Variants in CYYR1 observed in about 807,000 individuals in gnomAD.
CYYR1 encodes the protein cysteine and tyrosine-rich protein 1.
In CYYR1, 14 loss-of-function variants were observed where a neutral mutation model predicts 15.2. The observed-to-expected ratio is 0.92, with a 90% confidence interval of 0.61 to 1.44. CYYR1 has a LOEUF of 1.44. CYYR1 is among the 40% of genes most tolerant of loss of function. The pLI is 0.00. For missense variants in CYYR1, 228 were observed against 209.5 expected, an observed-to-expected ratio of 1.09 and a Z score of -0.54; for synonymous variants, 80 against 77.4, an observed-to-expected ratio of 1.03 and a Z score of -0.18.
At position 26,572,954 on chromosome 21, in the gene CYYR1, C is replaced by G; in HGVS notation, c.-14G>C. On this transcript the variant is annotated 5_prime_UTR_variant, in exon 1 of 4. Coordinates refer to ENST00000652641, the MANE Select transcript of CYYR1 (RefSeq NM_001320768.2). ...CGGAGCGTCCATCCAAGCCGGTGGCCTGAGGCTTGGAGCGAAGGGAGAGCC... is the reference window on the plus strand; with the variant it reads ...CGGAGCGTCCATCCAAGCCGGTGGCGTGAGGCTTGGAGCGAAGGGAGAGCC... 1.2e-6 allele frequency: 2 copies of G among 1,613,692 alleles called. No individual in the cohort carries two copies. Among genetic ancestry groups the G allele is most frequent in the South Asian group, 2.2e-5 (2 of 91,010 alleles).
intron 2 of CYYR1, among the ~76,000 whole-genome samples, chr21:26,521,305 C>T (rs1198879103): frequency 6.6e-6 from 1 of 152,094 alleles, no homozygotes; most frequent in African/African-American, 2.4e-5. Flanking sequence ...CCTTGGTTTC[C>T]CCATCAAATA....
intron 2 of CYYR1, among the ~76,000 whole-genome samples, chr21:26,529,783 T>C (rs927181950): frequency 6.6e-6 from 1 of 152,232 alleles, no homozygotes; most frequent in Non-Finnish European, 1.5e-5. Context: ...TTGGATTTTA[T>C]CTTATTAAGC....
intron 2 of CYYR1, among the ~76,000 whole-genome samples, chr21:26,484,456 C>A (rs968170730): frequency 4.6e-5 from 7 of 151,904 alleles, no homozygotes; most frequent in South Asian, 4.2e-4. Context: ...ATTAAGAAGG[C>A]AGAATGTGAG....
intron 2 of CYYR1, among the ~76,000 whole-genome samples, chr21:26,497,500 C>T (rs1175757967): frequency 2.0e-5 from 3 of 152,066 alleles, no homozygotes; most frequent in African/African-American, 7.2e-5. Context: ...AGCCTTCAGC[C>T]CTATTCCATA....
rs1248393566 is a variant in CYYR1, at chr21:26,477,795, G to C, written c.334+2477C>G. ...TTCTTCTGTTTTTCTCTTGGGTTATGGTTTGACCAAGGGAAAAAATTCAGA... is the reference window on the plus strand; with the variant it reads ...TTCTTCTGTTTTTCTCTTGGGTTATCGTTTGACCAAGGGAAAAAATTCAGA... On this transcript the variant is annotated intron_variant, in intron 3 of 3. Transcript: ENST00000652641. 5.1e-6 allele frequency: 5 copies of C among 984,144 alleles called. No homozygotes were observed. In the African/African-American group the frequency reaches 8.8e-5, roughly 17 times the overall value. The allele number at this position is 984,144 out of a possible 1,614,324, so 61.0% of individuals were successfully genotyped here.
At chr21:26,526,253 G>T (rs529969599) in intron 2 of CYYR1, among the ~76,000 whole-genome samples, 1 of 152,210 alleles carries the variant, frequency 6.6e-6, no homozygotes, top group Admixed American at 6.5e-5. Context: ...TTCGAAACCA[G>T]CCTGGCCAAC....
rs79072292 is a variant in CYYR1, at chr21:26,527,183, G to A, written c.176+39083C>T. Among the ~76,000 whole-genome samples, 4 of 152,266 alleles carry A rather than the reference G, an allele frequency of 2.6e-5. No homozygotes were observed. In the East Asian group the frequency reaches 7.7e-4, roughly 29 times the overall value. On this transcript the variant is annotated intron_variant, in intron 2 of 3. Transcript: ENST00000652641. ...ATTTGGACATTTGGAACAAATTAGAGCTACAGTAAAGGCCAGAAACACTGC... is the reference window on the plus strand; with the variant it reads ...ATTTGGACATTTGGAACAAATTAGAACTACAGTAAAGGCCAGAAACACTGC...
chr21:26,559,933 G>A (rs73180826), intron 2 of CYYR1, among the ~76,000 whole-genome samples: 9,532 of 151,928 alleles, frequency 0.063, 415 homozygotes, highest in South Asian at 0.14. Context: ...GATCTTTACT[G>A]TCCCACATAA....
intron 2 of CYYR1, among the ~76,000 whole-genome samples, chr21:26,553,170 T>A (rs1569173699): frequency 6.6e-6 from 1 of 152,172 alleles, no homozygotes; most frequent in African/African-American, 2.4e-5. Flanking sequence ...AATATGCCAC[T>A]TTCCTGGCCT....
intron 2 of CYYR1, among the ~76,000 whole-genome samples, chr21:26,552,512 A>T (rs1237888129): frequency 6.6e-6 from 1 of 151,702 alleles, no homozygotes; most frequent in Non-Finnish European, 1.5e-5. Flanking sequence ...TCATTTTGTG[A>T]TTTGCTTTCT....
intron 2 of CYYR1, among the ~76,000 whole-genome samples, chr21:26,536,422 G>C (rs1156557493): frequency 2.0e-5 from 3 of 152,158 alleles, no homozygotes; most frequent in African/African-American, 7.2e-5. Context: ...ATACCAAAGG[G>C]AGGTGATGTC....
At chr21:26,548,944 C>T (rs747234916) in intron 2 of CYYR1, among the ~76,000 whole-genome samples, 1 of 151,868 alleles carries the variant, frequency 6.6e-6, no homozygotes, top group Non-Finnish European at 1.5e-5. Context: ...CATTTATAAG[C>T]TTGAATGTGA....
intron 3 of CYYR1, among the ~76,000 whole-genome samples, chr21:26,474,350 G>A (rs1202836533): frequency 2.0e-5 from 3 of 150,286 alleles, no homozygotes. Flanking sequence ...ACCATGCCCA[G>A]CCTACCATGT....
At chr21:26,562,829 C>CAT (rs1555912082) in intron 2 of CYYR1, among the ~76,000 whole-genome samples, 1 of 150,718 alleles carries the variant, frequency 6.6e-6, no homozygotes, top group African/African-American at 2.4e-5. Context: ...CACACACACA[C>CAT]GGACAGACTT....
intron 3 of CYYR1, chr21:26,478,247 T>G: frequency 7.2e-7 from 1 of 1,384,270 alleles, no homozygotes; most frequent in Admixed American, 2.2e-5. Context: ...ACAAAGAGAA[T>G]TGGGATGCTG....
intron 2 of CYYR1, among the ~76,000 whole-genome samples, chr21:26,548,795 A>G (rs1444277862): frequency 6.6e-6 from 1 of 152,216 alleles, no homozygotes; most frequent in African/African-American, 2.4e-5. Context: ...GGAAAGTGTT[A>G]TTTTTAGAAA....
intron 2 of CYYR1, among the ~76,000 whole-genome samples, chr21:26,531,708 G>A (rs556710849): frequency 6.6e-6 from 1 of 152,198 alleles, no homozygotes; most frequent in East Asian, 1.9e-4. Flanking sequence ...CCAGTCTCAG[G>A]TAGTTCTTTA....
chr21:26,469,165 A>G (rs192598675), intron 3 of CYYR1, among the ~76,000 whole-genome samples: 3 of 152,302 alleles, frequency 2.0e-5, no homozygotes, highest in African/African-American at 7.2e-5. Flanking sequence ...TATGTGAGGG[A>G]TGATAAGGGA....
chr21:26,495,296 C>G (rs898160318), intron 2 of CYYR1, among the ~76,000 whole-genome samples: 1 of 152,144 alleles, frequency 6.6e-6, no homozygotes, highest in African/African-American at 2.4e-5. Context: ...GTCCACAGAT[C>G]CATCTAAATC....
Sources: allele counts gnomAD v4.1 joint callset (sites outside exome capture counted in the v4.1 genomes callset), GRCh38; gene constraint gnomAD v4.1.1; transcripts MANE v1.5; gene names NCBI Gene and HGNC (gene_info 2026-07-23, HGNC 2026-07-21).